Variants in MBD5 observed in about 807,000 individuals in gnomAD.
The protein encoded by MBD5 is methyl-CpG-binding domain protein 5.
MBD5 carries 13 observed loss-of-function variants against 117.3 expected under a neutral mutation model. The observed-to-expected ratio is 0.11, with a 90% CI of 0.07 to 0.18. MBD5 has a LOEUF of 0.18. MBD5 is among the 10% of genes least tolerant of loss of function. The pLI, the probability that MBD5 is intolerant of heterozygous loss-of-function variation, is 1.00. For synonymous variants in MBD5, 727 were observed against 766.4 expected, an observed-to-expected ratio of 0.95 and a Z score of 0.85; for missense variants, 1,879 against 2,093.8, an observed-to-expected ratio of 0.90 and a Z score of 2.00.
At chr2:148,200,781 C>T (rs772315600) in intron 2 of MBD5, among the ~76,000 whole-genome samples, 4 of 151,256 alleles carry the variant, frequency 2.6e-5, no homozygotes, top group East Asian at 1.9e-4. Context: ...AAAAATACTT[C>T]GCACATCATT....
At position 148,513,161 on chromosome 2, in the gene MBD5, T is replaced by G; in HGVS notation, c.*220T>G. 1 of 555,742 alleles carries G rather than the reference T, an allele frequency of 1.8e-6. No individual in the cohort carries two copies. Among genetic ancestry groups the G allele is most frequent in the South Asian group, 2.2e-5 (1 of 44,780 alleles). The allele number at this position is 555,742 out of a possible 1,614,324, so 34.4% of individuals were successfully genotyped here. On this transcript the variant is annotated 3_prime_UTR_variant, in exon 14 of 14. Coordinates refer to ENST00000642680, the MANE Select transcript of MBD5 (RefSeq NM_001378120.1). ...AATCAAAGTCTCTGTGTGATGAGAG[T>G]GATCAATGGTCAAGAGATTACTGAG...
intron 3 of MBD5, among the ~76,000 whole-genome samples, chr2:148,246,839 A>G (rs538474933): frequency 2.7e-5 from 4 of 150,904 alleles, no homozygotes; most frequent in East Asian, 1.9e-4. Context: ...TAAAACTGCT[A>G]TCTCTAGGTT....
At chr2:148,063,100 C>T (rs942077330) in intron 1 of MBD5, among the ~76,000 whole-genome samples, 2 of 151,990 alleles carry the variant, frequency 1.3e-5, no homozygotes, top group African/African-American at 4.8e-5. Flanking sequence ...TCTCCTCTTG[C>T]GTACTAATTA....
intron 8 of MBD5, among the ~76,000 whole-genome samples, 160 bp from the exon 9 acceptor site, chr2:148,482,947 TAAC>T (rs1681204131): frequency 2.6e-5 from 4 of 152,190 alleles, no homozygotes; most frequent in African/African-American, 9.7e-5. Context: ...TAAGTCCCAT[TAAC>T]AGATGTCAAG....
At chr2:148,061,078 T>A (rs1430412593) in intron 1 of MBD5, among the ~76,000 whole-genome samples, 1 of 152,142 alleles carries the variant, frequency 6.6e-6, no homozygotes, top group African/African-American at 2.4e-5. Context: ...TTTGCCAAGG[T>A]ATTTAAAAAT....
chr2:148,124,715 C>T (rs1381465224), intron 1 of MBD5, among the ~76,000 whole-genome samples: 1 of 152,074 alleles, frequency 6.6e-6, no homozygotes, highest in African/African-American at 2.4e-5. Context: ...CATATATGAG[C>T]ATAACTGTAT....
At chr2:148,322,952 G>A (rs1443212373) in intron 3 of MBD5, among the ~76,000 whole-genome samples, 3 of 149,506 alleles carry the variant, frequency 2.0e-5, no homozygotes, top group Non-Finnish European at 4.5e-5. Flanking sequence ...CCACTAACTC[G>A]TCATCTAGCA....
intron 8 of MBD5, among the ~76,000 whole-genome samples, chr2:148,474,541 C>A (rs963613648): frequency 2.6e-5 from 4 of 151,760 alleles, no homozygotes; most frequent in Admixed American, 6.6e-5. Context: ...TAAAAAAAAA[C>A]CAAAACATTT....
chr2:148,204,022 A>G (rs554525037), intron 2 of MBD5, among the ~76,000 whole-genome samples: 2 of 152,310 alleles, frequency 1.3e-5, no homozygotes, highest in South Asian at 2.1e-4. Flanking sequence ...TGCTGAAAAT[A>G]TAATGCTTAA....
chr2:148,458,708 G>A lies in MBD5; in HGVS notation c.-51G>A. On this transcript the variant is annotated 5_prime_UTR_variant, in exon 5 of 14. Transcript: ENST00000642680. ...AGGCCATCATGCTCTGTAATATAAG[G>A]ATATCATCTTATTGCTGATATCTTT... 1 of 1,471,498 alleles carries A rather than the reference G, an allele frequency of 6.8e-7. No individual in the cohort carries two copies. Among genetic ancestry groups the A allele is most frequent in the Non-Finnish European group, 9.5e-7 (1 of 1,050,476 alleles). The allele number at this position is 1,471,498 out of a possible 1,614,324, so 91.2% of individuals were successfully genotyped here.
intron 3 of MBD5, among the ~76,000 whole-genome samples, chr2:148,267,165 C>T (rs756794458): frequency 6.6e-6 from 1 of 151,928 alleles, no homozygotes; most frequent in Non-Finnish European, 1.5e-5. Flanking sequence ...GACATCTATC[C>T]GTTTAAAAAT....
At chr2:148,074,137 T>TA (rs1695429525) in intron 1 of MBD5, among the ~76,000 whole-genome samples, 1 of 152,208 alleles carries the variant, frequency 6.6e-6, no homozygotes, top group Admixed American at 6.5e-5. Flanking sequence ...TTCTCTCAGT[T>TA]AAGTGTTTCT....
intron 11 of MBD5, 124 bp from the exon 12 acceptor site, chr2:148,502,312 G>A (rs1681896220): frequency 1.3e-6 from 1 of 788,956 alleles, no homozygotes; most frequent in Admixed American, 2.0e-5. Context: ...ATTTGACAAG[G>A]TAGTGAAGGT....
chr2:148,138,505 T>C lies in MBD5; in HGVS notation c.-924-40195T>C, dbSNP rs145661915. On this transcript the variant is annotated intron_variant, in intron 1 of 13. Coordinates refer to ENST00000642680, the MANE Select transcript of MBD5 (RefSeq NM_001378120.1). Reference sequence around the variant, plus strand: ...TTTTAGAATGTAGCAGGTACCATGATGTGACTTATACTTGTATAGAAGAAT... The same window carrying C: ...TTTTAGAATGTAGCAGGTACCATGACGTGACTTATACTTGTATAGAAGAAT... Among the ~76,000 whole-genome samples the C allele has an allele frequency of 4.6e-5, 7 of 152,342 alleles. No individual in the cohort carries two copies. The South Asian group carries it at 8.3e-4, about 18-fold the overall frequency.
At chr2:148,224,772 G>T (rs923751087) in intron 2 of MBD5, among the ~76,000 whole-genome samples, 1 of 148,112 alleles carries the variant, frequency 6.8e-6, no homozygotes, top group Non-Finnish European at 1.5e-5. Context: ...AAATTGTTTT[G>T]TTTTGTTTTT....
intron 3 of MBD5, among the ~76,000 whole-genome samples, chr2:148,269,020 C>G (rs998922291): frequency 4.0e-5 from 6 of 151,716 alleles, no homozygotes; most frequent in Non-Finnish European, 8.8e-5. Flanking sequence ...TTTATTTTGT[C>G]TTGTCATTGT....
chr2:148,345,741 C>T (rs1703108827), intron 4 of MBD5, among the ~76,000 whole-genome samples: 2 of 150,462 alleles, frequency 1.3e-5, no homozygotes, highest in African/African-American at 4.9e-5. Flanking sequence ...TAAGCATTAA[C>T]TTACAGGATC....
At chr2:148,228,141 C>T (rs1373980502) in intron 2 of MBD5, among the ~76,000 whole-genome samples, 1 of 152,160 alleles carries the variant, frequency 6.6e-6, no homozygotes, top group Non-Finnish European at 1.5e-5. Flanking sequence ...GAACTTCCAA[C>T]ACTATGTTGA....
intron 1 of MBD5, among the ~76,000 whole-genome samples, chr2:148,142,581 T>C (rs1330423553): frequency 1.3e-5 from 2 of 152,086 alleles, no homozygotes; most frequent in African/African-American, 2.4e-5. Context: ...CTGGAGAATG[T>C]GATTCAGTGA....
Sources: allele counts gnomAD v4.1 joint callset (sites outside exome capture counted in the v4.1 genomes callset), GRCh38; gene constraint gnomAD v4.1.1; transcripts MANE v1.5; gene names NCBI Gene and HGNC (gene_info 2026-07-23, HGNC 2026-07-21).